Variants in TRRAP observed in about 807,000 individuals in gnomAD.
TRRAP encodes transformation/transcription domain-associated protein.
Under a neutral mutation model 438.8 loss-of-function variants are expected in TRRAP, and 41 were observed. The ratio of observed to expected loss-of-function variants is 0.09; its 90% CI spans 0.07 to 0.12. The LOEUF is 0.12. TRRAP is among the 10% of genes least tolerant of loss of function. The pLI, the probability that TRRAP is intolerant of heterozygous loss-of-function variation, is 1.00. For missense variants in TRRAP, 3,122 were observed against 5,055.1 expected, an observed-to-expected ratio of 0.62 and a Z score of 11.60; for synonymous variants, 1,994 against 1,962.9, an observed-to-expected ratio of 1.02 and a Z score of -0.42.
Position 98,908,890 on chromosome 7 carries a change from G to A in TRRAP, c.1278G>A (p.Leu426=), listed in dbSNP as rs1554408022. The change falls in exon 14 of 73, where the codon CTG becomes CTA. Residue 426 remains leucine, a synonymous_variant. Transcript: ENST00000456197. The surrounding 1 kb of genome is among the most constrained non-coding windows in gnomAD (Gnocchi z 4.1). ...QTMSCKLLLN[L]VDCIRSKSEQ... is the part of the protein sequence containing the mutation. The stretch of plus-strand genomic sequence containing the variant: ...TGTCCTGCAAGCTCCTGCTGAACCT[G>A]GTGGACTGCATCCGTTCCAAGAGCG... 6 of 1,614,044 alleles carry A rather than the reference G, an allele frequency of 3.7e-6. No individual in the cohort carries two copies. The Admixed American group carries it at 6.7e-5, about 18-fold the overall frequency.
At chr7:98,890,303 C>A (rs1554404612) in intron 3 of TRRAP, 32 bp from the exon 4 acceptor site, 7 of 1,377,692 alleles carry the variant, frequency 5.1e-6, no homozygotes, top group Non-Finnish European at 5.9e-6. Flanking sequence ...ATACACATAA[C>A]TGAATGGGGT....
intron 17 of TRRAP, among the ~76,000 whole-genome samples, chr7:98,911,560 G>A (rs1378913059): frequency 2.0e-5 from 3 of 152,126 alleles, no homozygotes; most frequent in African/African-American, 7.2e-5. Context: ...GAGCCCAGGA[G>A]TTTGAGATCA....
chr7:98,949,940 GC>G, intron 37 of TRRAP, 99 bp downstream of exon 37: 5 of 1,566,602 alleles, frequency 3.2e-6, no homozygotes, highest in Non-Finnish European at 4.3e-6. Flanking sequence ...GTCATTGGAT[GC>G]GTGCAGTCAG....
chr7:98,917,722 G>A (rs782049138), intron 20 of TRRAP, 43 bp downstream of exon 20: 14 of 1,596,404 alleles, frequency 8.8e-6, no homozygotes, highest in Middle Eastern at 1.7e-4. Flanking sequence ...TTCCCTGGAA[G>A]CAGTGGGCCG....
chr7:98,927,434 C>A, intron 23 of TRRAP, 68 bp downstream of exon 23: 1 of 1,543,628 alleles, frequency 6.5e-7, no homozygotes, highest in Non-Finnish European at 8.8e-7. Flanking sequence ...TAAAAACTTG[C>A]TCAGGACATT....
intron 59 of TRRAP, 132 bp downstream of exon 59, chr7:98,982,092 A>G (rs1307785421): frequency 1.1e-6 from 1 of 882,016 alleles, no homozygotes; most frequent in Non-Finnish European, 1.6e-6. Flanking sequence ...GTCCTCTCCC[A>G]CTTATACGCG....
At chr7:98,954,925 T>A (rs1212576627) in intron 40 of TRRAP, among the ~76,000 whole-genome samples, 173 bp from the exon 41 acceptor site, 5 of 152,188 alleles carry the variant, frequency 3.3e-5, no homozygotes, top group Non-Finnish European at 7.3e-5. Flanking sequence ...ATGAATGTAT[T>A]CATTGGTCAA....
Position 98,931,418 on chromosome 7 carries a change from C to T in TRRAP, c.3605C>T (p.Ala1202Val). The T allele has an allele frequency of 6.2e-7, 1 of 1,613,746 alleles. No homozygotes were observed. Among genetic ancestry groups the T allele is most frequent in the Non-Finnish European group, 8.5e-7 (1 of 1,179,902 alleles). The stretch of plus-strand genomic sequence containing the variant: ...CCTGACTTGCAGGTTTCCAATGGGG[C>T]AGTCGCTATGGCAAAGACCACGCTG... ...MDLTGEVSNGAVAMAKTTLEQ... is the reference protein window; with the variant it reads ...MDLTGEVSNGVVAMAKTTLEQ... The change falls in exon 26 of 73, where the codon GCA becomes GTA. Residue 1202 changes from alanine (A) to valine (V), a missense_variant. This residue lies in a region of TRRAP where 153 missense variants were observed against 223.0 expected (regional missense o/e 0.69). Transcript: ENST00000456197.
In TRRAP at chr7:99,005,055, A is replaced by T; in HGVS notation, c.10536-76A>T. 6.7e-7 allele frequency: 1 copy of T among 1,483,562 alleles called. No homozygotes were observed. Among genetic ancestry groups the T allele is most frequent in the Non-Finnish European group, 9.3e-7 (1 of 1,071,520 alleles). 91.9% of individuals were successfully genotyped at this position (1,483,562 alleles called of 1,614,324 possible). A position where few individuals can be genotyped will look rare whatever the true frequency, so the allele number is the denominator to read the frequency against. On this transcript the variant is annotated intron_variant, in intron 68 of 72. Coordinates refer to ENST00000456197, the MANE Select transcript of TRRAP (RefSeq NM_001375524.1). This position sits in a 1 kb window ranked among gnomAD's most constrained non-coding sequence, Gnocchi z 5.1. ...TCCGTTTTCCCGTGACAGTTCGGACATTCCTAGCTTCTTCTCAAGACAAGG... is the reference window on the plus strand; with the variant it reads ...TCCGTTTTCCCGTGACAGTTCGGACTTTCCTAGCTTCTTCTCAAGACAAGG...
rs777687469 is a variant in TRRAP at position 98,976,894 on chromosome 7, A to G, written c.8248-45A>G. ...TGAAACTATTTTTAGGGGGGAAAAA[A>G]AGTCTCTGTCTCAAGCACTCAGGAA... On this transcript the variant is annotated intron_variant, in intron 55 of 72. Coordinates refer to ENST00000456197, the MANE Select transcript of TRRAP (RefSeq NM_001375524.1). This position sits in a 1 kb window ranked among gnomAD's most constrained non-coding sequence, Gnocchi z 4.6. 1 of 1,607,458 alleles carries G rather than the reference A, an allele frequency of 6.2e-7. No individual in the cohort carries two copies. The highest frequency in any genetic ancestry group is 8.5e-7 in the Non-Finnish European group (1 of 1,176,012).
At chr7:98,903,265 A>G in intron 11 of TRRAP, 114 bp from the exon 12 acceptor site, 8 of 1,356,168 alleles carry the variant, frequency 5.9e-6, no homozygotes, top group Admixed American at 3.9e-5. Context: ...CATGTGACCC[A>G]CCCACCTCGG....
At chr7:98,925,735 AC>A (rs1790021085) in intron 22 of TRRAP, among the ~76,000 whole-genome samples, 1 of 152,198 alleles carries the variant, frequency 6.6e-6, no homozygotes, top group South Asian at 2.1e-4. Context: ...ACACACACAT[AC>A]CATTTTTCTG....
chr7:98,961,146 T>TA (rs1226465314), intron 45 of TRRAP, 115 bp from the exon 46 acceptor site: 88 of 923,630 alleles, frequency 9.5e-5, no homozygotes, highest in Non-Finnish European at 7.0e-5. Flanking sequence ...TGGTTTTTTT[T>TA]ACTTAGTCTC....
chr7:98,935,533 C>G (rs782150702), intron 27 of TRRAP, 46 bp from the exon 28 acceptor site: 1 of 1,547,008 alleles, frequency 6.5e-7, no homozygotes, highest in Non-Finnish European at 8.9e-7. Context: ...GTTATTATGT[C>G]TTCACAGGAA....
At chr7:98,892,982 G>A (rs1392957519) in intron 5 of TRRAP, among the ~76,000 whole-genome samples, 1 of 150,888 alleles carries the variant, frequency 6.6e-6, no homozygotes, top group African/African-American at 2.4e-5. Flanking sequence ...TTTTTGAGAT[G>A]AAGTCTTGGC....
chr7:98,911,333 C>G, intron 17 of TRRAP, 62 bp downstream of exon 17: 1 of 1,424,574 alleles, frequency 7.0e-7, no homozygotes, highest in South Asian at 1.4e-5. Flanking sequence ...GTCTTAAATA[C>G]TTTTTCATTT....
intron 30 of TRRAP, 116 bp downstream of exon 30, chr7:98,937,936 A>G (rs1554414667): frequency 1.7e-6 from 2 of 1,201,722 alleles, no homozygotes; most frequent in East Asian, 2.9e-5. Context: ...GCACTTTGGG[A>G]GGCCGAGGTG....
At chr7:98,952,339 C>T (rs1791380412) in intron 39 of TRRAP, among the ~76,000 whole-genome samples, 1 of 152,162 alleles carries the variant, frequency 6.6e-6, no homozygotes, top group Non-Finnish European at 1.5e-5. Context: ...GTCACATTTT[C>T]TGATCATAAT....
intron 61 of TRRAP, 97 bp from the exon 62 acceptor site, chr7:98,984,847 G>T: frequency 1.5e-6 from 1 of 676,472 alleles, no homozygotes; most frequent in South Asian, 2.3e-5. Context: ...ATTGGTCAAT[G>T]ACTCATAGGA....
Sources: allele counts gnomAD v4.1 joint callset (sites outside exome capture counted in the v4.1 genomes callset), GRCh38; gene constraint gnomAD v4.1.1; regional missense constraint gnomAD v4.1.1; non-coding constraint Gnocchi (gnomAD v3.1); transcripts MANE v1.5; gene names NCBI Gene and HGNC (gene_info 2026-07-23, HGNC 2026-07-21).